Variants in PIK3C2B observed in about 807,000 individuals in gnomAD.
The protein encoded by PIK3C2B is phosphatidylinositol 4-phosphate 3-kinase C2 domain-containing subunit beta.
A neutral mutation model predicts 184.3 loss-of-function variants in PIK3C2B; 83 were observed. That is an observed-to-expected ratio of 0.45 (90% confidence interval 0.38 to 0.54). The LOEUF is 0.54. Ranked by LOEUF, PIK3C2B falls within the 20% of genes least tolerant of loss-of-function variation. PIK3C2B has a pLI of 0.00. For missense variants in PIK3C2B, 1,736 were observed against 2,113.5 expected (o/e 0.82, Z 3.50); for synonymous variants, 779 against 837.6 (o/e 0.93, Z 1.21).
intron 24 of PIK3C2B, 93 bp downstream of exon 24, chr1:204,434,346 C>A: frequency 8.8e-7 from 1 of 1,136,758 alleles, no homozygotes; most frequent in East Asian, 2.4e-5. Context: ...TGAGGCCCAG[C>A]TGCTTCCATC....
At chr1:204,475,929 G>A (rs576065032) in intron 1 of PIK3C2B, among the ~76,000 whole-genome samples, 1 of 152,134 alleles carries the variant, frequency 6.6e-6, no homozygotes, top group Non-Finnish European at 1.5e-5. Flanking sequence ...CACTGGCAAT[G>A]CTCCTCCCAA....
chr1:204,440,763 ATT>A (rs909208385), intron 21 of PIK3C2B, among the ~76,000 whole-genome samples: 1 of 42,620 alleles, frequency 2.3e-5, no homozygotes, highest in South Asian at 1.2e-3. Flanking sequence ...CGCCCAGCTA[ATT>A]TATATATATA....
In PIK3C2B at chr1:204,424,684, G is replaced by A. The variant is rs755925586; in HGVS notation, c.*168C>T. On this transcript the variant is annotated 3_prime_UTR_variant, in exon 33 of 33. Transcript: ENST00000684373. ...AGTCTCCAGAGGAAGAGACAGCAGA[G>A]CATGTCTTACTCTCCCTGCCTCCTA... is the stretch of plus-strand genomic sequence containing the variant. 3.9e-6 allele frequency: 3 copies of A among 776,258 alleles called. No homozygotes were observed. The Admixed American group carries it at 5.1e-5, about 13-fold the overall frequency. 48.1% of individuals were successfully genotyped at this position (776,258 alleles called of 1,614,324 possible). A position where few individuals can be genotyped will look rare whatever the true frequency, so the allele number is the denominator to read the frequency against.
At chr1:204,440,395 C>T in intron 21 of PIK3C2B, 74 bp from the exon 22 acceptor site, 1 of 1,472,186 alleles carries the variant, frequency 6.8e-7, no homozygotes, top group Non-Finnish European at 9.1e-7. Context: ...AAGTGCTCAA[C>T]CTTGGCCCTA....
In PIK3C2B at chr1:204,429,986, G is replaced by T; in HGVS notation, c.4333C>A (p.Arg1445=). The change falls in exon 29 of 33, where the codon CGG becomes AGG. Residue 1445 remains arginine (R), a synonymous_variant. Transcript: ENST00000684373. ...GRSRGEAVAE[R]RREELNGYIW... ...TAACCGTTTAGCTCCTCCCTCCGCC[G>T]CTCGGCCACCGCCTCTCCCCGGGAG... 1 of 1,611,896 alleles carries T rather than the reference G, an allele frequency of 6.2e-7. No homozygotes were observed.
chr1:204,456,873 A>AACACAC (rs747482741), intron 10 of PIK3C2B, among the ~76,000 whole-genome samples, 164 bp downstream of exon 10: 8,238 of 141,534 alleles, frequency 0.058, 454 homozygotes, highest in East Asian at 0.3. Context: ...CTCATATAGG[A>AACACAC]ACACACACAC....
At chr1:204,428,434 A>G (rs559005986) in intron 29 of PIK3C2B, among the ~76,000 whole-genome samples, 1 of 152,332 alleles carries the variant, frequency 6.6e-6, no homozygotes, top group Admixed American at 6.5e-5. Flanking sequence ...TGGATAATAT[A>G]ATAATACTGT....
At chr1:204,470,777 T>C (rs1286368163) in intron 1 of PIK3C2B, among the ~76,000 whole-genome samples, 1 of 152,116 alleles carries the variant, frequency 6.6e-6, no homozygotes, top group Non-Finnish European at 1.5e-5. Context: ...GTGATGTCTA[T>C]ACAATTGAAT....
chr1:204,462,708 G>A (rs1293336931), intron 5 of PIK3C2B, among the ~76,000 whole-genome samples: 2 of 152,108 alleles, frequency 1.3e-5, no homozygotes, highest in African/African-American at 2.4e-5. Flanking sequence ...CCTTAGCTTC[G>A]AGATGAGGAG....
chr1:204,458,199 T>C (rs1655028234), intron 8 of PIK3C2B, among the ~76,000 whole-genome samples: 1 of 152,130 alleles, frequency 6.6e-6, no homozygotes. Context: ...ACCTGTAGAA[T>C]TTCCAGACAG....
chr1:204,479,035 TG>T (rs1656928537), intron 1 of PIK3C2B, among the ~76,000 whole-genome samples: 1 of 152,210 alleles, frequency 6.6e-6, no homozygotes, highest in Non-Finnish European at 1.5e-5. Context: ...GAGACCAGGA[TG>T]GAAGAGGTGA....
rs753542997 is a variant in PIK3C2B at position 204,433,337 on chromosome 1, T to C, written c.3932A>G (p.Asn1311Ser). The C allele has an allele frequency of 1.9e-6, 3 of 1,594,998 alleles. No homozygotes were observed. Among genetic ancestry groups the C allele is most frequent in the African/African-American group, 1.3e-5 (1 of 74,584 alleles). ...DALRPQDTEANATTYFTRLIE... is the reference protein window; with the variant it reads ...DALRPQDTEASATTYFTRLIE... ...TTACCTAGTGAAGTAGGTAGTGGCA[T>C]TGGCCTCTGTATCCTGAGGCCTCAG... Residue 1311 changes from asparagine to serine, a missense_variant, in exon 26 of 33, where the codon AAT becomes AGT. Asn to Ser is a conservative substitution (Grantham distance 46, BLOSUM62 1). This residue lies in a region of PIK3C2B where 119 missense variants were observed against 179.3 expected (regional missense o/e 0.66). Transcript: ENST00000684373. The surrounding 1 kb of genome is among the most constrained non-coding windows in gnomAD (Gnocchi z 5.0).
chr1:204,443,720 A>AAT, intron 18 of PIK3C2B, 123 bp from the exon 19 acceptor site: 1 of 830,544 alleles, frequency 1.2e-6, no homozygotes, highest in Non-Finnish European at 2.0e-6. Context: ...TGGGAGGGAA[A>AAT]ATACATTCTG....
At chr1:204,477,888 G>C (rs1656837636) in intron 1 of PIK3C2B, among the ~76,000 whole-genome samples, 1 of 152,230 alleles carries the variant, frequency 6.6e-6, no homozygotes, top group African/African-American at 2.4e-5. Context: ...TTACAATCTA[G>C]CAAAGGTGGC....
chr1:204,485,361 T>C (rs1312030704), intron 1 of PIK3C2B, among the ~76,000 whole-genome samples: 3 of 152,252 alleles, frequency 2.0e-5, no homozygotes, highest in South Asian at 4.2e-4. Context: ...ACCAAAAAAT[T>C]TGTTATTCCT....
rs1572419219 is a variant in PIK3C2B at position 204,494,604 on chromosome 1, G to A, written c.-333C>T. 6.5e-6 allele frequency: 1 copy of A among 152,726 alleles called. No individual in the cohort carries two copies. The highest frequency in any genetic ancestry group is 1.5e-5 in the Non-Finnish European group (1 of 68,464). 9.5% of individuals were successfully genotyped at this position (152,726 alleles called of 1,614,324 possible). Reference sequence around the variant, plus strand: ...GCGCAAGGACCAGCTTGTGGGGGTGGGGAGGGGTGCTCTCCGCCGAGAGCG... The same window carrying A: ...GCGCAAGGACCAGCTTGTGGGGGTGAGGAGGGGTGCTCTCCGCCGAGAGCG... On this transcript the variant is annotated 5_prime_UTR_variant, in exon 1 of 33. Transcript: ENST00000684373.
intron 28 of PIK3C2B, chr1:204,431,462 G>A: frequency 1.6e-6 from 1 of 608,658 alleles, no homozygotes; most frequent in South Asian, 2.0e-5. Context: ...CTGGCCAGTG[G>A]GCCTGGAGTG....
chr1:204,432,149 C>T, intron 27 of PIK3C2B, 51 bp downstream of exon 27: 1 of 1,537,728 alleles, frequency 6.5e-7, no homozygotes, highest in Non-Finnish European at 9.0e-7. Context: ...TCCCAGCAAG[C>T]CAGGGTCAGC....
At position 204,424,995 on chromosome 1, in the gene PIK3C2B, G is replaced by C; in HGVS notation, c.4762C>G (p.Leu1588Val). ...IPKGDLQQRE[L>V]QLSVLSEQGF... Reference sequence around the variant, plus strand: ...TGCTCACTCAGCACGCTCAGCTGGAGCTCCCGCTGCTGCAGGTCACCCTTG... The same window carrying C: ...TGCTCACTCAGCACGCTCAGCTGGACCTCCCGCTGCTGCAGGTCACCCTTG... The change falls in exon 33 of 33, where the codon CTC (leucine) becomes GTC (valine). Residue 1588 changes from leucine to valine, a missense_variant. Leu to Val is a conservative substitution (Grantham distance 32, BLOSUM62 1). Transcript: ENST00000684373. The C allele has an allele frequency of 6.2e-7, 1 of 1,614,112 alleles. No individual in the cohort carries two copies. The highest frequency in any genetic ancestry group is 8.5e-7 in the Non-Finnish European group (1 of 1,179,962).
Sources: allele counts gnomAD v4.1 joint callset (sites outside exome capture counted in the v4.1 genomes callset), GRCh38; gene constraint gnomAD v4.1.1; regional missense constraint gnomAD v4.1.1; non-coding constraint Gnocchi (gnomAD v3.1); transcripts MANE v1.5; gene names NCBI Gene and HGNC (gene_info 2026-07-23, HGNC 2026-07-21).